The following DOK5 variants were observed in gnomAD, a reference collection of about 807,000 sequenced individuals.
DOK5 encodes the protein downstream of tyrosine kinase 5.
DOK5 carries 27 observed loss-of-function variants against 43.3 expected under a neutral mutation model. The observed-to-expected ratio is 0.62, with a 90% CI of 0.46 to 0.86. DOK5 has a LOEUF of 0.86. Ranked by LOEUF, DOK5 falls within the 40% of genes least tolerant of loss-of-function variation. The pLI, the probability that DOK5 is intolerant of heterozygous loss-of-function variation, is 0.00. For synonymous variants in DOK5, 146 were observed against 140.1 expected (o/e 1.04, Z -0.30); for missense variants, 373 against 392.9 (o/e 0.95, Z 0.43).
At chr20:54,568,609 T>TA (rs895053644) in intron 2 of DOK5, among the ~76,000 whole-genome samples, 3 of 152,174 alleles carry the variant, frequency 2.0e-5, no homozygotes, top group Non-Finnish European at 2.9e-5. Context: ...TTTAAGTTAT[T>TA]AAAAAAAGCA....
chr20:54,518,753 C>G (rs1296360728), intron 1 of DOK5, among the ~76,000 whole-genome samples: 1 of 152,176 alleles, frequency 6.6e-6, no homozygotes, highest in Non-Finnish European at 1.5e-5. Context: ...AAACTACCAT[C>G]AGAGTGAAGA....
At chr20:54,565,954 G>C (rs1985080017) in intron 2 of DOK5, among the ~76,000 whole-genome samples, 1 of 150,920 alleles carries the variant, frequency 6.6e-6, no homozygotes, top group South Asian at 2.1e-4. Flanking sequence ...GGAGGCAGAG[G>C]CTGCAGTGAG....
chr20:54,573,750 A>T (rs1305354078), intron 2 of DOK5, among the ~76,000 whole-genome samples: 2 of 151,454 alleles, frequency 1.3e-5, no homozygotes, highest in African/African-American at 4.9e-5. Flanking sequence ...ATTTCAGTAG[A>T]GTGTCTTCCA....
chr20:54,543,304 C>A (rs1384499997), intron 1 of DOK5, among the ~76,000 whole-genome samples: 1 of 105,502 alleles, frequency 9.5e-6, no homozygotes, highest in African/African-American at 3.8e-5. Context: ...CAAAAGGAGG[C>A]AAATCTAGCT....
chr20:54,491,137 C>T (rs6014034), intron 1 of DOK5, among the ~76,000 whole-genome samples: 1 of 152,276 alleles, frequency 6.6e-6, no homozygotes. Context: ...AGAATCATGC[C>T]TCACAACTGT....
At chr20:54,617,687 G>T (rs1986858310) in intron 6 of DOK5, among the ~76,000 whole-genome samples, 1 of 152,178 alleles carries the variant, frequency 6.6e-6, no homozygotes, top group Admixed American at 6.5e-5. Flanking sequence ...CCACACAAGG[G>T]TATGCCCACC....
intron 1 of DOK5, among the ~76,000 whole-genome samples, chr20:54,513,676 T>C (rs1015339329): frequency 1.9e-4 from 29 of 152,170 alleles, no homozygotes; most frequent in African/African-American, 6.8e-4. Flanking sequence ...GAGTGGGCTG[T>C]GCATTGGCTA....
At chr20:54,476,110 C>A in intron 1 of DOK5, 98 bp downstream of exon 1, 12 of 1,569,418 alleles carry the variant, frequency 7.6e-6, no homozygotes, top group Non-Finnish European at 1.0e-5. Context: ...CCCGGCCGCG[C>A]GCCGGAGAAT....
chr20:54,560,268 T>A (rs1281540737), intron 2 of DOK5, among the ~76,000 whole-genome samples: 2 of 152,202 alleles, frequency 1.3e-5, no homozygotes, highest in African/African-American at 4.8e-5. Flanking sequence ...CCTCTTTCAA[T>A]ACTCAGATAT....
chr20:54,536,652 C>T (rs1173088060), intron 1 of DOK5, among the ~76,000 whole-genome samples: 1 of 152,150 alleles, frequency 6.6e-6, no homozygotes, highest in Non-Finnish European at 1.5e-5. Context: ...CTCTCCCTGG[C>T]CAGAGGACCA....
intron 1 of DOK5, among the ~76,000 whole-genome samples, chr20:54,547,969 T>G (rs947855099): frequency 1.3e-5 from 2 of 152,200 alleles, no homozygotes; most frequent in Non-Finnish European, 2.9e-5. Context: ...CAGAGGATGT[T>G]TGACAATGTC....
chr20:54,650,764 T>G lies in DOK5; in HGVS notation c.*285T>G. 1 of 297,270 alleles carries G rather than the reference T, an allele frequency of 3.4e-6. No homozygotes were observed. The allele number at this position is 297,270 out of a possible 1,614,324, so 18.4% of individuals were successfully genotyped here. A position where few individuals can be genotyped will look rare whatever the true frequency, so the allele number is the denominator to read the frequency against. On this transcript the variant is annotated 3_prime_UTR_variant, in exon 8 of 8. Transcript: ENST00000262593. The stretch of plus-strand genomic sequence containing the variant: ...TCAATGTCACGAAATGATTTTCTAT[T>G]GTAGATACTTTGTCCCTTGCACTTC...
At chr20:54,594,572 C>T (rs1333952728) in intron 5 of DOK5, among the ~76,000 whole-genome samples, 2 of 152,182 alleles carry the variant, frequency 1.3e-5, no homozygotes, top group African/African-American at 4.8e-5. Context: ...CCTCTCATAT[C>T]ATCTCCATTC....
At chr20:54,490,877 C>T (rs1248805759) in intron 1 of DOK5, among the ~76,000 whole-genome samples, 2 of 152,320 alleles carry the variant, frequency 1.3e-5, no homozygotes, top group African/African-American at 2.4e-5. Context: ...CGTGAGCCAC[C>T]GCGCCCAGCC....
chr20:54,627,523 C>T (rs1420005977), intron 6 of DOK5, among the ~76,000 whole-genome samples: 4 of 152,136 alleles, frequency 2.6e-5, no homozygotes, highest in Non-Finnish European at 5.9e-5. Context: ...GACTGATACT[C>T]ACTGGGAACT....
At chr20:54,508,771 G>A (rs905178600) in intron 1 of DOK5, among the ~76,000 whole-genome samples, 1 of 151,944 alleles carries the variant, frequency 6.6e-6, no homozygotes, top group African/African-American at 2.4e-5. Flanking sequence ...GTAGAGACGG[G>A]GTTTCTCCAT....
rs573957277 is a variant in DOK5, at chr20:54,515,130, C to T, written c.66+39118C>T. On this transcript the variant is annotated intron_variant, in intron 1 of 7. Transcript: ENST00000262593. ...GGTTCAAGCAATTCTCCTGCCTTAG[C>T]CTCCCGAGTAGCTGGGATTACAGGC... Among the ~76,000 whole-genome samples the T allele has an allele frequency of 5.9e-5, 9 of 152,056 alleles. No individual in the cohort carries two copies. In the East Asian group the frequency reaches 1.7e-3, roughly 29 times the overall value.
intron 1 of DOK5, among the ~76,000 whole-genome samples, chr20:54,523,381 A>G (rs768704315): frequency 9.2e-5 from 14 of 152,098 alleles, no homozygotes; most frequent in Non-Finnish European, 1.3e-4. Context: ...AGCCTGACCA[A>G]CATGGTGAAC....
intron 1 of DOK5, among the ~76,000 whole-genome samples, chr20:54,553,697 C>A (rs1299449983): frequency 6.7e-6 from 1 of 150,300 alleles, no homozygotes; most frequent in Non-Finnish European, 1.5e-5. Flanking sequence ...GAGTTTGAGT[C>A]CAGCCTGACC....
Sources: allele counts gnomAD v4.1 joint callset (sites outside exome capture counted in the v4.1 genomes callset), GRCh38; gene constraint gnomAD v4.1.1; transcripts MANE v1.5; gene names NCBI Gene and HGNC (gene_info 2026-07-23, HGNC 2026-07-21).